SLC12A8: variants seen among roughly 807,000 people sequenced by gnomAD.
The protein encoded by SLC12A8 is solute carrier family 12 member 8.
Under a neutral mutation model 75.6 loss-of-function variants are expected in SLC12A8, and 69 were observed. The ratio of observed to expected loss-of-function variants is 0.91; its 90% CI spans 0.75 to 1.11. The LOEUF (loss-of-function observed/expected upper bound fraction) is 1.11, where lower values mean the gene tolerates loss of function less well. Ranked by LOEUF, SLC12A8 falls within the 50% of genes most tolerant of loss-of-function variation. SLC12A8 has a pLI of 0.00. For missense variants in SLC12A8, 877 were observed against 896.7 expected, an observed-to-expected ratio of 0.98 and a Z score of 0.28; for synonymous variants, 365 against 372.8, an observed-to-expected ratio of 0.98 and a Z score of 0.24.
chr3:125,154,120 G>C (rs372325355), intron 5 of SLC12A8, among the ~76,000 whole-genome samples: 1 of 152,200 alleles, frequency 6.6e-6, no homozygotes, highest in East Asian at 1.9e-4. Flanking sequence ...TGCTGGCCTA[G>C]GGTCCCACAG....
chr3:125,111,639 C>T (rs1939190892), intron 8 of SLC12A8, among the ~76,000 whole-genome samples: 1 of 152,176 alleles, frequency 6.6e-6, no homozygotes, highest in Non-Finnish European at 1.5e-5. Flanking sequence ...GCTCTCCTCA[C>T]CCCATTTTTT....
intron 5 of SLC12A8, among the ~76,000 whole-genome samples, chr3:125,144,406 G>A (rs112108741): frequency 3.7e-4 from 57 of 152,290 alleles, no homozygotes; most frequent in African/African-American, 1.2e-3. Flanking sequence ...AGTGCCAGGA[G>A]CTCCAGCTGC....
At chr3:125,194,896 A>G (rs773764384) in intron 2 of SLC12A8, among the ~76,000 whole-genome samples, 2 of 152,254 alleles carry the variant, frequency 1.3e-5, no homozygotes, top group Non-Finnish European at 2.9e-5. Context: ...CTGCAGTCCA[A>G]TGGGCAGACT....
chr3:125,083,713 C>T lies in SLC12A8; in HGVS notation c.*177G>A, dbSNP rs1938385523. 1.4e-5 allele frequency: 9 copies of T among 621,800 alleles called. No individual in the cohort carries two copies. The highest frequency in any genetic ancestry group is 2.4e-5 in the Non-Finnish European group (9 of 382,664). The allele number at this position is 621,800 out of a possible 1,614,324, so 38.5% of individuals were successfully genotyped here. On this transcript the variant is annotated 3_prime_UTR_variant, in exon 14 of 14. Transcript: ENST00000469902. ...CTCCAGCCTGGGTGACAGGGCGAGACTCTGTCTCAAAAAAAAAAAAAAAGG... is the reference window on the plus strand; with the variant it reads ...CTCCAGCCTGGGTGACAGGGCGAGATTCTGTCTCAAAAAAAAAAAAAAAGG...
rs374639496 is a variant in SLC12A8, at chr3:125,122,991, T to C, written c.737-2305A>G. Among the ~76,000 whole-genome samples, 19 of 152,242 alleles carry C rather than the reference T, an allele frequency of 1.2e-4. No individual in the cohort carries two copies. In the East Asian group the frequency reaches 1.5e-3, roughly 12 times the overall value. On this transcript the variant is annotated intron_variant, in intron 6 of 13. Transcript: ENST00000469902. Reference sequence around the variant, plus strand: ...AAAGAACTTTTGGAAATTAAAAATATGATCATTAAAATTAAAAATGCAACA... The same window carrying C: ...AAAGAACTTTTGGAAATTAAAAATACGATCATTAAAATTAAAAATGCAACA...
chr3:125,133,961 T>C (rs1180196115), intron 6 of SLC12A8, among the ~76,000 whole-genome samples: 1 of 152,250 alleles, frequency 6.6e-6, no homozygotes, highest in African/African-American at 2.4e-5. Flanking sequence ...CCCAGGCATC[T>C]GTCACTATAG....
At chr3:125,096,821 TTTAA>T (rs1346110921) in intron 10 of SLC12A8, among the ~76,000 whole-genome samples, 4 of 134,706 alleles carry the variant, frequency 3.0e-5, no homozygotes, top group East Asian at 4.5e-4. Context: ...GTTTTAACAA[TTTAA>T]TTAAATTGGT....
intron 12 of SLC12A8, 91 bp from the exon 13 acceptor site, chr3:125,088,461 T>TAC (rs372636929): frequency 3.1e-6 from 3 of 965,764 alleles, no homozygotes; most frequent in Non-Finnish European, 5.0e-6. Context: ...CAAACCCCAA[T>TAC]ACACACACAC....
chr3:125,122,280 CTG>C (rs1933083716), intron 6 of SLC12A8, among the ~76,000 whole-genome samples: 1 of 152,112 alleles, frequency 6.6e-6, no homozygotes, highest in Non-Finnish European at 1.5e-5. Context: ...TTTTATTTGA[CTG>C]TTTATATTTT....
At chr3:125,125,016 G>A (rs2948796) in intron 6 of SLC12A8, among the ~76,000 whole-genome samples, 19,227 of 151,966 alleles carry the variant, frequency 0.13, 1,535 homozygotes, top group Admixed American at 0.17. Context: ...AGAGGTTTTC[G>A]GTGCTGGGCT....
At chr3:125,174,351 G>T (rs533269088) in intron 5 of SLC12A8, among the ~76,000 whole-genome samples, 1 of 152,294 alleles carries the variant, frequency 6.6e-6, no homozygotes, top group East Asian at 1.9e-4. Flanking sequence ...TGCTGATGAG[G>T]ATGTGGAGCA....
chr3:125,208,525 ATC>A (rs1202937380), intron 2 of SLC12A8, among the ~76,000 whole-genome samples: 1 of 152,158 alleles, frequency 6.6e-6, no homozygotes, highest in Non-Finnish European at 1.5e-5. Context: ...TACACAAATT[ATC>A]TCTTTTAATT....
At chr3:125,157,644 C>T (rs944472057) in intron 5 of SLC12A8, among the ~76,000 whole-genome samples, 3 of 152,332 alleles carry the variant, frequency 2.0e-5, no homozygotes, top group African/African-American at 4.8e-5. Context: ...CTTCCATGCG[C>T]GCTGAGTCTT....
At chr3:125,143,848 A>G (rs1176046419) in intron 5 of SLC12A8, among the ~76,000 whole-genome samples, 11 of 152,316 alleles carry the variant, frequency 7.2e-5, no homozygotes, top group African/African-American at 2.6e-4. Flanking sequence ...TCCCATAACA[A>G]GAGCAGCTCC....
chr3:125,143,605 C>T (rs28677078), intron 5 of SLC12A8, among the ~76,000 whole-genome samples: 10,338 of 152,316 alleles, frequency 0.068, 500 homozygotes, highest in Middle Eastern at 0.095. Context: ...GAAGGGAAAT[C>T]TGAAGTGGGG....
intron 3 of SLC12A8, 118 bp from the exon 4 acceptor site, chr3:125,187,546 G>T: frequency 1.1e-6 from 1 of 871,754 alleles, no homozygotes; most frequent in Non-Finnish European, 1.8e-6. Context: ...GCCAGGGGTG[G>T]GGGCACAGAG....
chr3:125,094,310 A>C (rs1938659336), intron 10 of SLC12A8, among the ~76,000 whole-genome samples: 2 of 152,192 alleles, frequency 1.3e-5, no homozygotes, highest in Admixed American at 1.3e-4. Flanking sequence ...TCTTACCTAC[A>C]TACACATCTG....
intron 5 of SLC12A8, among the ~76,000 whole-genome samples, chr3:125,137,236 T>A (rs28478427): frequency 0.33 from 50,612 of 151,900 alleles, 9,147 homozygotes; most frequent in African/African-American, 0.46. Context: ...ATATTTTTTT[T>A]AAAAAATAAT....
chr3:125,176,056 T>C (rs1305765077), intron 5 of SLC12A8, among the ~76,000 whole-genome samples: 1 of 144,582 alleles, frequency 6.9e-6, no homozygotes, highest in Non-Finnish European at 1.6e-5. Context: ...AACCGAATGC[T>C]GACCTTCCCA....
Sources: allele counts gnomAD v4.1 joint callset (sites outside exome capture counted in the v4.1 genomes callset), GRCh38; gene constraint gnomAD v4.1.1; transcripts MANE v1.5; gene names NCBI Gene and HGNC (gene_info 2026-07-23, HGNC 2026-07-21).